Variants in KCNQ2 observed in about 807,000 individuals in gnomAD.
KCNQ2 encodes potassium voltage-gated channel subfamily KQT member 2.
A neutral mutation model predicts 84.8 loss-of-function variants in KCNQ2; 14 were observed. That is an observed-to-expected ratio of 0.17 (90% CI 0.11 to 0.26). The LOEUF is 0.26. KCNQ2 is among the 10% of genes least tolerant of loss of function. The pLI, the probability that KCNQ2 is intolerant of heterozygous loss-of-function variation, is 1.00. For synonymous variants in KCNQ2, 599 were observed against 554.1 expected (o/e 1.08, Z -1.14); for missense variants, 788 against 1,254.0 (o/e 0.63, Z 5.61).
In KCNQ2 at chr20:63,428,453, G is replaced by C; in HGVS notation, c.1149-18C>G. 1.3e-6 allele frequency: 2 copies of C among 1,577,006 alleles called. No individual in the cohort carries two copies. The highest frequency in any genetic ancestry group is 3.3e-4 in the Middle Eastern group (2 of 6,006). On this transcript the variant is annotated intron_variant, in intron 9 of 16. Transcript: ENST00000359125. The stretch of plus-strand genomic sequence containing the variant: ...GGATAAGTCTGGGGCAAGAGAAGGA[G>C]AGGGGAGTGAGCGTCTCACCCTCCC...
intron 5 of KCNQ2, 124 bp downstream of exon 5, chr20:63,442,282 G>T: frequency 8.6e-7 from 1 of 1,166,020 alleles, no homozygotes; most frequent in African/African-American, 1.7e-5. Context: ...TCATGACCAC[G>T]GGCAGCCAGC....
intron 1 of KCNQ2, among the ~76,000 whole-genome samples, chr20:63,459,314 G>A (rs12481151): frequency 2.8e-4 from 43 of 152,290 alleles, no homozygotes; most frequent in Admixed American, 2.5e-3. Flanking sequence ...CTAGGAGTTC[G>A]AGACCAGCCT....
At chr20:63,424,374 C>G in intron 10 of KCNQ2, 168 bp from the exon 11 acceptor site, 3 of 758,170 alleles carry the variant, frequency 4.0e-6, no homozygotes, top group Non-Finnish European at 6.5e-6. Flanking sequence ...AGAGAGCCCA[C>G]GGCCCCAGGA....
chr20:63,452,902 C>T (rs1022234904), intron 1 of KCNQ2, among the ~76,000 whole-genome samples: 1 of 152,200 alleles, frequency 6.6e-6, no homozygotes, highest in Admixed American at 6.5e-5. Context: ...AGCCGGAGCT[C>T]CAGCTGCAGG....
intron 1 of KCNQ2, among the ~76,000 whole-genome samples, chr20:63,454,850 G>A (rs568991658): frequency 2.0e-5 from 3 of 152,326 alleles, no homozygotes; most frequent in South Asian, 2.1e-4. Flanking sequence ...CACGACGAGC[G>A]TCCAAATGTG....
At chr20:63,409,176 G>C (rs1455660580) in intron 15 of KCNQ2, among the ~76,000 whole-genome samples, 1 of 152,274 alleles carries the variant, frequency 6.6e-6, no homozygotes, top group Non-Finnish European at 1.5e-5. Context: ...CAGAAGAGGG[G>C]AGACAAAGCT....
chr20:63,449,777 C>T (rs1016829129), intron 1 of KCNQ2, among the ~76,000 whole-genome samples: 4 of 150,996 alleles, frequency 2.6e-5, no homozygotes, highest in African/African-American at 9.7e-5. Context: ...GGAGACTTCT[C>T]AGACTTTTGG....
rs191131584 is a variant in KCNQ2, at chr20:63,451,786, C to T, written c.297-4949G>A. 3.6e-3 allele frequency among the ~76,000 whole-genome samples: 553 copies of T among 152,336 alleles called. 3 individuals carry two copies. Among genetic ancestry groups the T allele is most frequent in the Non-Finnish European group, 5.1e-3 (346 of 68,022 alleles). On this transcript the variant is annotated intron_variant, in intron 1 of 16. Coordinates refer to ENST00000359125, the MANE Select transcript of KCNQ2 (RefSeq NM_172107.4). Reference sequence around the variant, plus strand: ...CCCCCTGCAGCCCCCCTCCCACTCGCTGGAGACCCCCAAGTCCAGGCAGCC... The same window carrying T: ...CCCCCTGCAGCCCCCCTCCCACTCGTTGGAGACCCCCAAGTCCAGGCAGCC...
At chr20:63,444,632 A>G in intron 4 of KCNQ2, 27 bp downstream of exon 4, 7 of 1,507,692 alleles carry the variant, frequency 4.6e-6, no homozygotes, top group Middle Eastern at 4.2e-4. Context: ...GGGGGCGCCC[A>G]CCGCCAGCCT....
rs1303957351 is a variant in KCNQ2, at chr20:63,438,789, T to C, written c.928-69A>G. ...ACCCCAATTCATCAGGGTCAGACCATGCTCTGGGGCCCCACACCCCCCCCA... is the reference window on the plus strand; with the variant it reads ...ACCCCAATTCATCAGGGTCAGACCACGCTCTGGGGCCCCACACCCCCCCCA... On this transcript the variant is annotated intron_variant, in intron 6 of 16. Coordinates refer to ENST00000359125, the MANE Select transcript of KCNQ2 (RefSeq NM_172107.4). This position sits in a 1 kb window ranked among gnomAD's most constrained non-coding sequence, Gnocchi z 5.1. 7 of 1,372,648 alleles carry C rather than the reference T, an allele frequency of 5.1e-6. No individual in the cohort carries two copies. Among genetic ancestry groups the C allele is most frequent in the Non-Finnish European group, 6.0e-6 (6 of 995,052 alleles). The allele number at this position is 1,372,648 out of a possible 1,614,324, so 85.0% of individuals were successfully genotyped here.
intron 9 of KCNQ2, 85 bp downstream of exon 9, chr20:63,431,255 G>A: frequency 6.6e-7 from 1 of 1,507,232 alleles, no homozygotes; most frequent in East Asian, 2.3e-5. Context: ...GGGCCACGGG[G>A]CTCCAGGGGC....
chr20:63,421,177 C>T (rs192194412), intron 11 of KCNQ2, among the ~76,000 whole-genome samples: 40 of 152,328 alleles, frequency 2.6e-4, no homozygotes, highest in Non-Finnish European at 4.7e-4. Flanking sequence ...CCAGCATGAT[C>T]GCCTTGACCA....
In KCNQ2 at chr20:63,439,706, G is replaced by A. The variant is rs771282785; in HGVS notation, c.819C>T (p.Ile273=). 1.7e-5 allele frequency: 28 copies of A among 1,611,038 alleles called. No individual in the cohort carries two copies. The highest frequency in any genetic ancestry group is 2.4e-5 in the Non-Finnish European group (28 of 1,177,572). The part of the protein sequence containing the change: ...TYADALWWGL[I]TLTTIGYGDK... ...CCCCGTAGCCAATGGTGGTCAGCGT[G>A]ATCTGTGGGACCGCAGGCTCTAGTC... Residue 273 remains isoleucine (I), a splice_region_variant and synonymous_variant, in exon 6 of 17, where the codon ATC becomes ATT. Transcript: ENST00000359125.
chr20:63,432,893 C>T (rs1305850469), intron 8 of KCNQ2, among the ~76,000 whole-genome samples: 3 of 152,126 alleles, frequency 2.0e-5, no homozygotes, highest in South Asian at 2.1e-4. Flanking sequence ...GGGAAGGCCC[C>T]ACCCTTAGGG....
Position 63,407,051 on chromosome 20 carries a change from A to AGCCGTGGTCCCCCACGGGGGAGGT in KCNQ2, c.2188_2211dup (p.Thr730_Gly737dup). 1 of 1,519,948 alleles carries AGCCGTGGTCCCCCACGGGGGAGGT rather than the reference A, an allele frequency of 6.6e-7. No homozygotes were observed. The highest frequency in any genetic ancestry group is 1.4e-5 in the African/African-American group (1 of 72,876). The allele number at this position is 1,519,948 out of a possible 1,614,324, so 94.2% of individuals were successfully genotyped here. On this transcript the variant is annotated inframe_insertion, in exon 17 of 17. Transcript: ENST00000359125. This position sits in a 1 kb window ranked among gnomAD's most constrained non-coding sequence, Gnocchi z 7.2. Reference sequence around the variant, plus strand: ...GGCGGCGGCGGGATGCGCACCAGGGAGCCGTGGTCCCCCACGGGGGAGGTG... The same window carrying AGCCGTGGTCCCCCACGGGGGAGGT: ...GGCGGCGGCGGGATGCGCACCAGGGAGCCGTGGTCCCCCACGGGGGAGGTGCCGTGGTCCCCCACGGGGGAGGTG...
chr20:63,434,131 G>C (rs1304604094), intron 7 of KCNQ2: 1 of 555,866 alleles, frequency 1.8e-6, no homozygotes, highest in African/African-American at 1.9e-5. Context: ...GGGGCCTGAA[G>C]GAGGGGAGCG....
At chr20:63,471,550 C>T in intron 1 of KCNQ2, 1 of 153,170 alleles carries the variant, frequency 6.5e-6, no homozygotes, top group Non-Finnish European at 1.5e-5. Flanking sequence ...AGCGCAGGAG[C>T]TGAGCGCAGG....
intron 9 of KCNQ2, 58 bp downstream of exon 9, chr20:63,431,282 C>A: frequency 6.2e-7 from 1 of 1,603,250 alleles, no homozygotes; most frequent in African/African-American, 1.3e-5. Flanking sequence ...GGTCACAGTT[C>A]CAGACACAGA....
rs369438374 is a variant in KCNQ2, at chr20:63,408,473, G to A, written c.1827C>T (p.Ala609=). The A allele has an allele frequency of 7.6e-4, 1,220 of 1,607,862 alleles. No individual in the cohort carries two copies. The highest frequency in any genetic ancestry group is 9.3e-4 in the Non-Finnish European group (1,090 of 1,178,186). ...TGGGGTCCTCGGGCAGCTCCGCCTC[G>A]GCCGGGCCCTTGGTGCGGTCCTTGT... is the stretch of plus-strand genomic sequence containing the variant. ...ITDKDRTKGP[A]EAELPEDPSM... Residue 609 remains alanine (A), a synonymous_variant, in exon 16 of 17, where the codon GCC becomes GCT. Coordinates refer to ENST00000359125, the MANE Select transcript of KCNQ2 (RefSeq NM_172107.4). The surrounding 1 kb of genome is among the most constrained non-coding windows in gnomAD (Gnocchi z 5.0).
Sources: allele counts gnomAD v4.1 joint callset (sites outside exome capture counted in the v4.1 genomes callset), GRCh38; gene constraint gnomAD v4.1.1; non-coding constraint Gnocchi (gnomAD v3.1); transcripts MANE v1.5; gene names NCBI Gene and HGNC (gene_info 2026-07-23, HGNC 2026-07-21).